Variants in CDH12 observed in about 807,000 individuals in gnomAD.
CDH12 encodes cadherin-12.
In CDH12, 41 loss-of-function variants were observed where a neutral mutation model predicts 74.1. The observed-to-expected ratio is 0.55, with a 90% CI of 0.43 to 0.72. The LOEUF (loss-of-function observed/expected upper bound fraction) is 0.72, where lower values mean the gene tolerates loss of function less well. CDH12 is among the 30% of genes least tolerant of loss of function. The pLI is 0.00. For synonymous variants in CDH12, 399 were observed against 355.0 expected, an observed-to-expected ratio of 1.12 and a Z score of -1.39; for missense variants, 945 against 977.2, an observed-to-expected ratio of 0.97 and a Z score of 0.44.
At chr5:22,030,403 T>G (rs1738733043) in intron 5 of CDH12, among the ~76,000 whole-genome samples, 1 of 152,152 alleles carries the variant, frequency 6.6e-6, no homozygotes. Context: ...TTGAATACCT[T>G]TATCAGAGCT....
At chr5:22,148,460 G>T (rs1486979235) in intron 4 of CDH12, among the ~76,000 whole-genome samples, 1 of 151,598 alleles carries the variant, frequency 6.6e-6, no homozygotes, top group African/African-American at 2.4e-5. Flanking sequence ...TAGCAGAGGT[G>T]GGAATGCATT....
At chr5:22,523,991 T>A (rs1212649056) in intron 1 of CDH12, among the ~76,000 whole-genome samples, 4 of 150,728 alleles carry the variant, frequency 2.7e-5, no homozygotes, top group African/African-American at 9.7e-5. Flanking sequence ...ATTTTTTTTT[T>A]TTTTTTTTGA....
At chr5:22,785,937 C>T (rs1434852487) in intron 1 of CDH12, among the ~76,000 whole-genome samples, 1 of 152,104 alleles carries the variant, frequency 6.6e-6, no homozygotes, top group Non-Finnish European at 1.5e-5. Flanking sequence ...ACAGAAATAT[C>T]ATTTGACTCA....
At chr5:22,148,142 G>C (rs1254972735) in intron 4 of CDH12, among the ~76,000 whole-genome samples, 2 of 152,128 alleles carry the variant, frequency 1.3e-5, no homozygotes, top group African/African-American at 2.4e-5. Flanking sequence ...AGTACTTAAA[G>C]ACTTTTTTCC....
At chr5:22,093,353 G>A (rs1447354572) in intron 4 of CDH12, among the ~76,000 whole-genome samples, 1 of 152,130 alleles carries the variant, frequency 6.6e-6, no homozygotes, top group African/African-American at 2.4e-5. Flanking sequence ...TCAACTTGTA[G>A]TGAAGAAATA....
intron 3 of CDH12, among the ~76,000 whole-genome samples, chr5:22,270,292 G>A (rs1055730866): frequency 2.6e-5 from 4 of 152,144 alleles, no homozygotes; most frequent in African/African-American, 4.8e-5. Flanking sequence ...TGATACCATA[G>A]GTTTTAAAAA....
chr5:21,955,482 A>G (rs1317986717), intron 6 of CDH12, among the ~76,000 whole-genome samples: 2 of 152,102 alleles, frequency 1.3e-5, no homozygotes, highest in Non-Finnish European at 2.9e-5. Flanking sequence ...AACACCTTTT[A>G]AAAAGCATTG....
rs557847917 is a variant in CDH12 at position 21,943,098 on chromosome 5, CA to C, written c.526+31992del. Among the ~76,000 whole-genome samples the C allele has an allele frequency of 7.9e-5, 12 of 152,218 alleles. No homozygotes were observed. The South Asian group carries it at 2.3e-3, about 29-fold the overall frequency. On this transcript the variant is annotated intron_variant, in intron 6 of 14. Transcript: ENST00000382254. ...TCACATGCTCTCTCTCCCCTGCTGCCATGTAAGACGTGCCTGTTTCCCCTTC... is the reference window on the plus strand; with the variant it reads ...TCACATGCTCTCTCTCCCCTGCTGCCTGTAAGACGTGCCTGTTTCCCCTTC...
chr5:22,463,305 T>C lies in CDH12; in HGVS notation c.-428+41965A>G, dbSNP rs183071866. On this transcript the variant is annotated intron_variant, in intron 2 of 14. Transcript: ENST00000382254. ...TACATATGAAACAATCAATGATTTATTTCTTAATTCATTTTCTAAAAGCCT... is the reference window on the plus strand; with the variant it reads ...TACATATGAAACAATCAATGATTTACTTCTTAATTCATTTTCTAAAAGCCT... 5.9e-3 allele frequency among the ~76,000 whole-genome samples: 898 copies of C among 152,324 alleles called. 3 individuals carry two copies. Among genetic ancestry groups the C allele is most frequent in the Middle Eastern group, 0.017 (5 of 294 alleles).
chr5:22,443,261 C>T (rs1744695497), intron 2 of CDH12, among the ~76,000 whole-genome samples: 1 of 152,054 alleles, frequency 6.6e-6, no homozygotes, highest in African/African-American at 2.4e-5. Flanking sequence ...AGCACAAAAC[C>T]TAAAATTTCA....
intron 3 of CDH12, among the ~76,000 whole-genome samples, chr5:22,348,889 T>C (rs1391400735): frequency 6.6e-6 from 1 of 152,134 alleles, no homozygotes; most frequent in African/African-American, 2.4e-5. Flanking sequence ...GAGCCTGGCA[T>C]ATAGAGCAGG....
At chr5:21,920,441 A>G (rs1032008207) in intron 6 of CDH12, among the ~76,000 whole-genome samples, 1 of 152,020 alleles carries the variant, frequency 6.6e-6, no homozygotes, top group Non-Finnish European at 1.5e-5. Flanking sequence ...AAAACCAAAC[A>G]ATGCATGCTC....
intron 1 of CDH12, among the ~76,000 whole-genome samples, chr5:22,737,013 A>G (rs569798203): frequency 1.2e-4 from 18 of 152,090 alleles, no homozygotes; most frequent in Admixed American, 7.2e-4. Flanking sequence ...TGTATAGTTA[A>G]GACTAGGCTT....
intron 1 of CDH12, among the ~76,000 whole-genome samples, chr5:22,615,066 T>C (rs1027413228): frequency 6.6e-6 from 1 of 152,090 alleles, no homozygotes; most frequent in South Asian, 2.1e-4. Flanking sequence ...AATTTTCCAT[T>C]TAACATTTTT....
rs375348608 is a variant in CDH12, at chr5:22,146,439, A to C, written c.-187+66059T>G. Among the ~76,000 whole-genome samples the C allele has an allele frequency of 2.6e-5, 4 of 152,252 alleles. No individual in the cohort carries two copies. The East Asian group carries it at 5.8e-4, about 22-fold the overall frequency. On this transcript the variant is annotated intron_variant, in intron 4 of 14. Transcript: ENST00000382254. ...TTAACAACAGACTGAATAAATAACA[A>C]AGTTGTTAACACAAAATGAATAAAT...
Position 22,562,922 on chromosome 5 carries a change from A to G in CDH12, c.-522-57558T>C, listed in dbSNP as rs1044152206. On this transcript the variant is annotated intron_variant, in intron 1 of 14. Transcript: ENST00000382254. ...TATAGAAATATATGCACATATATCA[A>G]CATCTAAATTTATATTTTTAAATAT... Among the ~76,000 whole-genome samples the G allele has an allele frequency of 2.6e-4, 39 of 148,086 alleles. 1 individual carries two copies. Among genetic ancestry groups the G allele is most frequent in the African/African-American group, 9.5e-4 (39 of 40,928 alleles).
intron 5 of CDH12, among the ~76,000 whole-genome samples, chr5:22,026,387 C>T (rs996668532): frequency 1.1e-4 from 17 of 152,092 alleles, no homozygotes; most frequent in South Asian, 4.1e-4. Flanking sequence ...TCCAAGACAG[C>T]ATAAAATTTG....
chr5:21,988,475 G>C (rs933276761), intron 5 of CDH12, among the ~76,000 whole-genome samples: 4 of 114,172 alleles, frequency 3.5e-5, no homozygotes, highest in African/African-American at 1.4e-4. Flanking sequence ...CTGGGCGACA[G>C]AGCGAGACTC....
intron 2 of CDH12, among the ~76,000 whole-genome samples, chr5:22,407,178 A>T (rs1742975709): frequency 6.6e-6 from 1 of 152,090 alleles, no homozygotes; most frequent in Non-Finnish European, 1.5e-5. Context: ...TGCCATTGAC[A>T]TCTCAAACTC....
Sources: allele counts gnomAD v4.1 joint callset (sites outside exome capture counted in the v4.1 genomes callset), GRCh38; gene constraint gnomAD v4.1.1; transcripts MANE v1.5; gene names NCBI Gene and HGNC (gene_info 2026-07-23, HGNC 2026-07-21).